Variants in IL1RAPL2 observed in about 807,000 individuals in gnomAD.
IL1RAPL2 encodes X-linked interleukin-1 receptor accessory protein-like 2.
A neutral mutation model predicts 44.1 loss-of-function variants in IL1RAPL2; 3 were observed. The observed-to-expected ratio is 0.07, with a 90% CI of 0.03 to 0.18. The LOEUF is 0.18. Ranked by LOEUF, IL1RAPL2 falls within the 10% of genes least tolerant of loss-of-function variation. IL1RAPL2 has a pLI of 1.00. For missense variants in IL1RAPL2, 391 were observed against 496.4 expected, an observed-to-expected ratio of 0.79 and a Z score of 2.02; for synonymous variants, 181 against 178.8, an observed-to-expected ratio of 1.01 and a Z score of -0.10.
At chrX:105,490,202 A>G (rs1042894208) in intron 6 of IL1RAPL2, among the ~76,000 whole-genome samples, 6 of 111,353 alleles carry the variant, frequency 5.4e-5, no homozygotes, top group Admixed American at 4.8e-4. Flanking sequence ...ACATATAAAC[A>G]TTTACTTTCT....
chrX:105,014,080 G>T (rs1414664217), intron 2 of IL1RAPL2, among the ~76,000 whole-genome samples: 3 of 111,930 alleles, frequency 2.7e-5, no homozygotes, highest in Non-Finnish European at 5.7e-5. Flanking sequence ...TATAAGTGGA[G>T]AGACAAGTAG....
chrX:105,082,379 A>C (rs754580076), intron 2 of IL1RAPL2, among the ~76,000 whole-genome samples: 1 of 111,056 alleles, frequency 9.0e-6, no homozygotes, highest in South Asian at 3.8e-4. Context: ...CTTCTTTGTT[A>C]ATCTGGCTAG....
At chrX:104,711,706 G>T (rs1350146570) in intron 2 of IL1RAPL2, among the ~76,000 whole-genome samples, 1 of 109,599 alleles carries the variant, frequency 9.1e-6, no homozygotes, top group Non-Finnish European at 1.9e-5. Flanking sequence ...AAGATTTTTT[G>T]GTAAATATTC....
At chrX:105,542,820 G>A (rs1241830169) in intron 6 of IL1RAPL2, among the ~76,000 whole-genome samples, 1 of 104,972 alleles carries the variant, frequency 9.5e-6, no homozygotes, top group Non-Finnish European at 2.0e-5. Context: ...TGCAAGCTCC[G>A]CCTCCCGGGT....
chrX:105,041,471 C>G (rs767360800), intron 2 of IL1RAPL2, among the ~76,000 whole-genome samples: 1 of 110,595 alleles, frequency 9.0e-6, no homozygotes, highest in Non-Finnish European at 1.9e-5. Flanking sequence ...CTAACGTTGA[C>G]AGTGGGGTGT....
chrX:105,525,174 T>TA (rs2036587454), intron 6 of IL1RAPL2, among the ~76,000 whole-genome samples: 1 of 111,340 alleles, frequency 9.0e-6, no homozygotes, highest in South Asian at 3.7e-4. Context: ...TGTCTGAATG[T>TA]ATCAATCCTT....
intron 6 of IL1RAPL2, among the ~76,000 whole-genome samples, chrX:105,530,564 A>G (rs1236256914): frequency 1.8e-5 from 2 of 111,489 alleles, no homozygotes; most frequent in African/African-American, 3.3e-5. Flanking sequence ...CCATTTCCTC[A>G]AGCATTTATC....
intron 2 of IL1RAPL2, among the ~76,000 whole-genome samples, chrX:104,802,950 A>G (rs1932895242): frequency 9.0e-6 from 1 of 111,364 alleles, no homozygotes; most frequent in Admixed American, 9.6e-5. Context: ...GCTAGGGGAA[A>G]CTTACAGTAG....
At chrX:104,919,917 A>G (rs375607034) in intron 2 of IL1RAPL2, among the ~76,000 whole-genome samples, 62 of 110,499 alleles carry the variant, frequency 5.6e-4, no homozygotes, top group Non-Finnish European at 6.6e-4. Flanking sequence ...CAAGGGTACA[A>G]TCTTGCTTCA....
At chrX:104,881,109 A>T (rs746809176) in intron 2 of IL1RAPL2, among the ~76,000 whole-genome samples, 5 of 111,861 alleles carry the variant, frequency 4.5e-5, no homozygotes, top group African/African-American at 1.6e-4. Flanking sequence ...ATAACGTAAA[A>T]TTTTTATAAA....
At chrX:104,999,002 T>G (rs2030802562) in intron 2 of IL1RAPL2, among the ~76,000 whole-genome samples, 1 of 111,383 alleles carries the variant, frequency 9.0e-6, no homozygotes, top group South Asian at 3.8e-4. Context: ...GGTCTCACTA[T>G]GTGACCCAGG....
intron 2 of IL1RAPL2, among the ~76,000 whole-genome samples, chrX:105,008,538 T>G (rs1454113017): frequency 1.8e-5 from 2 of 111,366 alleles, no homozygotes; most frequent in Non-Finnish European, 3.8e-5. Context: ...CTGGGAAAAC[T>G]GGCTAGCCAT....
chrX:105,204,563 C>G (rs2033745373), intron 3 of IL1RAPL2, among the ~76,000 whole-genome samples: 1 of 112,028 alleles, frequency 8.9e-6, no homozygotes. Flanking sequence ...AATTATGACA[C>G]AGCATCTGCC....
At chrX:105,367,728 T>C (rs1208157939) in intron 5 of IL1RAPL2, among the ~76,000 whole-genome samples, 3 of 111,815 alleles carry the variant, frequency 2.7e-5, no homozygotes, top group Non-Finnish European at 3.8e-5. Flanking sequence ...TGGTTGTTTA[T>C]AATAGTTTTA....
chrX:105,709,634 G>A (rs777874847), intron 6 of IL1RAPL2, among the ~76,000 whole-genome samples: 64 of 111,470 alleles, frequency 5.7e-4, no homozygotes, highest in African/African-American at 2.0e-3. Flanking sequence ...TATAGTGGAA[G>A]GGCTGGGGCT....
chrX:104,631,661 C>A (rs1166868772), intron 1 of IL1RAPL2, among the ~76,000 whole-genome samples: 1 of 112,010 alleles, frequency 8.9e-6, no homozygotes. Context: ...CTGCTCATAT[C>A]CTTTGCCCAT....
intron 2 of IL1RAPL2, among the ~76,000 whole-genome samples, chrX:105,175,615 A>G (rs1422764152): frequency 1.8e-5 from 2 of 110,915 alleles, no homozygotes; most frequent in Non-Finnish European, 3.8e-5. Flanking sequence ...TAATTTTGCC[A>G]TTTCCCAGAG....
At chrX:104,621,353 C>T (rs750870484) in intron 1 of IL1RAPL2, among the ~76,000 whole-genome samples, 1 of 108,793 alleles carries the variant, frequency 9.2e-6, no homozygotes, top group Non-Finnish European at 1.9e-5. Context: ...TTCTGCTCTC[C>T]CCCATTGCAA....
At chrX:105,358,128 A>G (rs1360198813) in intron 5 of IL1RAPL2, among the ~76,000 whole-genome samples, 1 of 108,034 alleles carries the variant, frequency 9.3e-6, no homozygotes, top group East Asian at 2.9e-4. Context: ...AAGAAAGTGC[A>G]GTACAGAGGT....
Sources: allele counts gnomAD v4.1 joint callset (sites outside exome capture counted in the v4.1 genomes callset), GRCh38; gene constraint gnomAD v4.1.1; transcripts MANE v1.5; gene names NCBI Gene and HGNC (gene_info 2026-07-23, HGNC 2026-07-21).